Variants in SCAPER observed in about 807,000 individuals in gnomAD.
SCAPER encodes S-phase cyclin A associated protein in the ER.
SCAPER carries 98 observed loss-of-function variants against 182.2 expected under a neutral mutation model. The observed-to-expected ratio is 0.54, with a 90% CI of 0.46 to 0.64. SCAPER has a LOEUF of 0.64. SCAPER is among the 30% of genes least tolerant of loss of function. The pLI is 0.00. For missense variants in SCAPER, 1,432 were observed against 1,690.0 expected (o/e 0.85, Z 2.68); for synonymous variants, 605 against 564.6 (o/e 1.07, Z -1.01).
At chr15:76,617,640 G>T (rs1202785033) in intron 22 of SCAPER, among the ~76,000 whole-genome samples, 1 of 152,178 alleles carries the variant, frequency 6.6e-6, no homozygotes, top group Non-Finnish European at 1.5e-5. Context: ...CAAGGAGGCT[G>T]ACCCAGGCTT....
chr15:76,472,311 G>C (rs1297690627), intron 24 of SCAPER: 2 of 664,834 alleles, frequency 3.0e-6, no homozygotes, highest in Non-Finnish European at 5.6e-6. Flanking sequence ...TGCAGAAAAT[G>C]AAGATGCCAA....
chr15:76,763,754 A>T (rs1465634870), intron 14 of SCAPER, among the ~76,000 whole-genome samples: 1 of 151,952 alleles, frequency 6.6e-6, no homozygotes, highest in Non-Finnish European at 1.5e-5. Context: ...GAAGCTCTCT[A>T]CTGCATTTTC....
At chr15:76,589,315 G>T (rs1344566053) in intron 22 of SCAPER, among the ~76,000 whole-genome samples, 3 of 152,126 alleles carry the variant, frequency 2.0e-5, no homozygotes, top group Admixed American at 6.5e-5. Context: ...AGCTACCAGG[G>T]TGGGTAGTGA....
At chr15:76,899,590 T>C (rs905307957) in intron 1 of SCAPER, among the ~76,000 whole-genome samples, 1 of 152,102 alleles carries the variant, frequency 6.6e-6, no homozygotes, top group Non-Finnish European at 1.5e-5. Flanking sequence ...CCACCCCGTC[T>C]AGGAAGTGAG....
chr15:76,516,384 G>A (rs538015185), intron 23 of SCAPER, among the ~76,000 whole-genome samples: 23 of 43,070 alleles, frequency 5.3e-4, no homozygotes, highest in African/African-American at 1.7e-3. Flanking sequence ...CCCCACCCCC[G>A]CAACTGGCCC....
chr15:76,845,879 T>C (rs1448554965), intron 4 of SCAPER, among the ~76,000 whole-genome samples: 4 of 152,000 alleles, frequency 2.6e-5, no homozygotes, highest in Admixed American at 2.0e-4. Flanking sequence ...AAACCTGGAA[T>C]ACCCAAGGTT....
At chr15:76,531,587 T>C (rs562176972) in intron 23 of SCAPER, among the ~76,000 whole-genome samples, 1 of 152,154 alleles carries the variant, frequency 6.6e-6, no homozygotes, top group African/African-American at 2.4e-5. Context: ...AGTTTCCTCA[T>C]TTGTAAAATG....
intron 23 of SCAPER, 44 bp downstream of exon 23, chr15:76,574,114 G>A: frequency 6.4e-7 from 1 of 1,561,270 alleles, no homozygotes; most frequent in South Asian, 1.2e-5. Context: ...AGTGAGAAAG[G>A]ATCACAAAGA....
intron 22 of SCAPER, among the ~76,000 whole-genome samples, chr15:76,581,730 C>T (rs1011495609): frequency 4.6e-5 from 7 of 152,050 alleles, no homozygotes; most frequent in African/African-American, 1.7e-4. Context: ...GAACTACAGG[C>T]TCACACCACC....
chr15:76,362,893 G>A (rs1287966586), intron 29 of SCAPER, among the ~76,000 whole-genome samples: 1 of 152,152 alleles, frequency 6.6e-6, no homozygotes, highest in African/African-American at 2.4e-5. Context: ...TAAGACCTAA[G>A]AGTGATCCTG....
At chr15:76,445,821 G>A (rs113030280) in intron 25 of SCAPER, among the ~76,000 whole-genome samples, 2 of 152,102 alleles carry the variant, frequency 1.3e-5, no homozygotes, top group Non-Finnish European at 2.9e-5. Context: ...CCGGGTGGAG[G>A]TGCATCATTA....
rs781502892 is a variant in SCAPER at position 76,774,839 on chromosome 15, T to C, written c.1035+16A>G. 2 of 1,596,330 alleles carry C rather than the reference T, an allele frequency of 1.3e-6. No individual in the cohort carries two copies. Among genetic ancestry groups the C allele is most frequent in the Admixed American group, 1.7e-5 (1 of 57,614 alleles). ...CCTTTGAAAAAGACAGTAAAAGGAT[T>C]TTCAGAATGTACTACCTGGGTTTTT... On this transcript the variant is annotated intron_variant, in intron 9 of 31. Transcript: ENST00000563290.
rs1389109459 is a variant in SCAPER, at chr15:76,354,897, A to G, written c.3856-757T>C. ...CCTCCATGATAAACTAAGAAATGTC[A>G]AAATTAGATCTGTTTCAAGTAACCT... On this transcript the variant is annotated intron_variant, in intron 29 of 31. Coordinates refer to ENST00000563290, the MANE Select transcript of SCAPER (RefSeq NM_020843.4). This position sits in a 1 kb window ranked among gnomAD's most constrained non-coding sequence, Gnocchi z 4.4. 6.6e-6 allele frequency among the ~76,000 whole-genome samples: 1 copy of G among 152,230 alleles called. No homozygotes were observed. The highest frequency in any genetic ancestry group is 1.5e-5 in the Non-Finnish European group (1 of 68,030).
In SCAPER at chr15:76,504,851, ATACT is replaced by A; in HGVS notation, c.2954+4_2954+7del. 1.3e-6 allele frequency: 2 copies of A among 1,589,628 alleles called. No individual in the cohort carries two copies. Among genetic ancestry groups the A allele is most frequent in the Non-Finnish European group, 1.7e-6 (2 of 1,168,218 alleles). ...AACGTAAAAAATAGATTAAGAAACT[ATACT>A]TACTTAGGAGGAATTCTTAAAACTG... On this transcript the variant is annotated splice_donor_5th_base_variant and intron_variant, in intron 24 of 31. Transcript: ENST00000563290.
intron 23 of SCAPER, among the ~76,000 whole-genome samples, chr15:76,519,411 A>C (rs1654325597): frequency 6.6e-6 from 1 of 152,216 alleles, no homozygotes; most frequent in Non-Finnish European, 1.5e-5. Flanking sequence ...TAGGGATCTG[A>C]GAAAGATAGG....
At chr15:76,855,505 A>G (rs2071267878) in intron 4 of SCAPER, among the ~76,000 whole-genome samples, 1 of 151,838 alleles carries the variant, frequency 6.6e-6, no homozygotes, top group South Asian at 2.1e-4. Flanking sequence ...ATGGGAGAAA[A>G]TTTTTGCAAA....
At chr15:76,796,712 C>A (rs1458655028) in intron 7 of SCAPER, among the ~76,000 whole-genome samples, 1 of 152,196 alleles carries the variant, frequency 6.6e-6, no homozygotes, top group Non-Finnish European at 1.5e-5. Flanking sequence ...ATACACTATA[C>A]AATACTCTGA....
chr15:76,634,053 G>A (rs1172014386), intron 21 of SCAPER, among the ~76,000 whole-genome samples: 2 of 152,182 alleles, frequency 1.3e-5, no homozygotes, highest in Non-Finnish European at 2.9e-5. Flanking sequence ...TCGAGCAGCC[G>A]CCCACCTGAG....
intron 22 of SCAPER, among the ~76,000 whole-genome samples, chr15:76,614,134 A>T (rs1229731354): frequency 6.6e-6 from 1 of 152,194 alleles, no homozygotes; most frequent in African/African-American, 2.4e-5. Context: ...CCCTTAGCAA[A>T]CTAACACAGG....
Sources: gnomAD v4.1 joint callset for allele counts (sites outside exome capture counted in the v4.1 genomes callset) on GRCh38, gnomAD v4.1.1 for gene constraint, Gnocchi (gnomAD v3.1) non-coding constraint, MANE v1.5 for transcripts, NCBI Gene and HGNC (gene_info 2026-07-23, HGNC 2026-07-21) for gene names.